Variants in SPTLC3 observed in about 807,000 individuals in gnomAD.
The protein encoded by SPTLC3 is serine palmitoyltransferase 3.
A neutral mutation model predicts 59.3 loss-of-function variants in SPTLC3; 36 were observed. That is an observed-to-expected ratio of 0.61 (90% CI 0.47 to 0.80). The LOEUF (loss-of-function observed/expected upper bound fraction) is 0.80. SPTLC3 is among the 30% of genes least tolerant of loss of function. The probability of loss-of-function intolerance (pLI) is 0.00; values close to 1 mark genes in which losing one functional copy is unlikely to be tolerated. For synonymous variants in SPTLC3, 257 were observed against 240.8 expected, an observed-to-expected ratio of 1.07 and a Z score of -0.62; for missense variants, 625 against 685.1, an observed-to-expected ratio of 0.91 and a Z score of 0.98.
intron 9 of SPTLC3, among the ~76,000 whole-genome samples, chr20:13,128,386 G>A (rs1213948522): frequency 1.3e-5 from 2 of 152,126 alleles, no homozygotes; most frequent in African/African-American, 4.8e-5. Context: ...GGTATTTCTT[G>A]TTTGCATCAC....
chr20:13,131,616 CCACA>C (rs2122826833), intron 9 of SPTLC3, among the ~76,000 whole-genome samples: 1 of 152,264 alleles, frequency 6.6e-6, no homozygotes, highest in South Asian at 2.1e-4. Flanking sequence ...TTAGCAACTC[CCACA>C]CACTCTACTT....
At chr20:13,128,211 C>T (rs1039606619) in intron 9 of SPTLC3, among the ~76,000 whole-genome samples, 10 of 152,198 alleles carry the variant, frequency 6.6e-5, no homozygotes, top group South Asian at 6.2e-4. Context: ...CTGAGGTGAT[C>T]GACAAGTATT....
intron 9 of SPTLC3, among the ~76,000 whole-genome samples, chr20:13,151,643 C>T (rs1302377538): frequency 6.6e-6 from 1 of 152,326 alleles, no homozygotes; most frequent in East Asian, 1.9e-4. Context: ...CATTTCTCTG[C>T]ATATACCATA....
intron 6 of SPTLC3, among the ~76,000 whole-genome samples, chr20:13,105,893 G>A (rs1450851571): frequency 6.6e-6 from 1 of 152,164 alleles, no homozygotes; most frequent in Non-Finnish European, 1.5e-5. Flanking sequence ...AGGAAAGGAA[G>A]ACTGGTTCTC....
intron 1 of SPTLC3, among the ~76,000 whole-genome samples, chr20:13,010,780 G>A (rs1178009526): frequency 6.6e-6 from 1 of 152,146 alleles, no homozygotes; most frequent in African/African-American, 2.4e-5. Flanking sequence ...CTGACCCTGA[G>A]GGATCTCATC....
chr20:13,069,382 G>A (rs926780301), intron 2 of SPTLC3, among the ~76,000 whole-genome samples: 1 of 152,134 alleles, frequency 6.6e-6, no homozygotes, highest in African/African-American at 2.4e-5. Context: ...ACCAGGGACT[G>A]CTTTTGAGGA....
chr20:13,047,857 C>G (rs1302420217), intron 1 of SPTLC3, among the ~76,000 whole-genome samples: 1 of 152,112 alleles, frequency 6.6e-6, no homozygotes, highest in East Asian at 1.9e-4. Context: ...TAACGTTTCT[C>G]AAAGTTGCTT....
chr20:13,113,715 G>C (rs1990372445), intron 7 of SPTLC3, among the ~76,000 whole-genome samples: 1 of 152,192 alleles, frequency 6.6e-6, no homozygotes, highest in African/African-American at 2.4e-5. Flanking sequence ...ATATAAGCTA[G>C]TGTTGGCAGA....
chr20:13,050,824 C>G (rs1309130116), intron 2 of SPTLC3: 1 of 152,148 alleles, frequency 6.6e-6, no homozygotes, highest in Non-Finnish European at 1.5e-5. Context: ...TACAGCGAAA[C>G]TAAGCATCAT....
intron 6 of SPTLC3, among the ~76,000 whole-genome samples, chr20:13,103,413 G>A (rs1300993896): frequency 1.3e-5 from 2 of 152,312 alleles, no homozygotes; most frequent in East Asian, 1.9e-4. Flanking sequence ...GGAATAAGAG[G>A]AGTGGATATA....
intron 4 of SPTLC3, among the ~76,000 whole-genome samples, chr20:13,080,503 T>A (rs1294417322): frequency 3.1e-5 from 1 of 32,542 alleles, no homozygotes; most frequent in Non-Finnish European, 6.0e-5. Context: ...TGAAAATCCA[T>A]CCATCTCCAA....
chr20:13,162,874 A>G (rs1422558043), intron 11 of SPTLC3, among the ~76,000 whole-genome samples: 1 of 152,068 alleles, frequency 6.6e-6, no homozygotes, highest in Non-Finnish European at 1.5e-5. Flanking sequence ...TGTCACTAAG[A>G]TGCCCACGGT....
At chr20:13,048,014 A>G (rs925444695) in intron 1 of SPTLC3, among the ~76,000 whole-genome samples, 6 of 152,166 alleles carry the variant, frequency 3.9e-5, no homozygotes, top group African/African-American at 1.4e-4. Flanking sequence ...TACTACAATT[A>G]ATAATTCTTT....
At chr20:13,125,223 T>C (rs2037960957) in intron 8 of SPTLC3, among the ~76,000 whole-genome samples, 1 of 152,146 alleles carries the variant, frequency 6.6e-6, no homozygotes, top group South Asian at 2.1e-4. Flanking sequence ...CAAGCTTACT[T>C]GGGACCTTAT....
intron 4 of SPTLC3, among the ~76,000 whole-genome samples, chr20:13,087,520 ATCT>A (rs1989042611): frequency 1.3e-5 from 2 of 152,108 alleles, no homozygotes; most frequent in African/African-American, 4.8e-5. Flanking sequence ...TGGCCATTTG[ATCT>A]TCTTCCCTGT....
chr20:13,137,832 A>T (rs941499126), intron 9 of SPTLC3, among the ~76,000 whole-genome samples: 2 of 152,148 alleles, frequency 1.3e-5, no homozygotes, highest in Non-Finnish European at 2.9e-5. Flanking sequence ...TAATCCTCTC[A>T]TATTTCCCTC....
At chr20:13,066,956 CTT>C (rs1279040669) in intron 2 of SPTLC3, among the ~76,000 whole-genome samples, 74 of 150,238 alleles carry the variant, frequency 4.9e-4, no homozygotes, top group African/African-American at 1.8e-3. Flanking sequence ...ATTAATTTGC[CTT>C]TTTGTCATGG....
intron 5 of SPTLC3, among the ~76,000 whole-genome samples, chr20:13,092,651 G>A (rs144921198): frequency 5.7e-4 from 86 of 152,076 alleles, no homozygotes; most frequent in African/African-American, 1.5e-3. Flanking sequence ...TAAATGTTCC[G>A]CCAGAAAAAT....
At chr20:13,060,463 G>A (rs191192840) in intron 2 of SPTLC3, among the ~76,000 whole-genome samples, 147 of 151,104 alleles carry the variant, frequency 9.7e-4, no homozygotes, top group African/African-American at 3.3e-3. Context: ...TTTTTTATTT[G>A]TATGAATTTA....
Sources: allele counts gnomAD v4.1 joint callset (sites outside exome capture counted in the v4.1 genomes callset), GRCh38; gene constraint gnomAD v4.1.1; transcripts MANE v1.5; gene names NCBI Gene and HGNC (gene_info 2026-07-23, HGNC 2026-07-21).